The following SPATS2 variants were observed in gnomAD, a reference collection of about 807,000 sequenced individuals.
SPATS2 encodes the protein spermatogenesis-associated serine-rich protein 2.
In SPATS2, 38 loss-of-function variants were observed where a neutral mutation model predicts 63.7. That is an observed-to-expected ratio of 0.60 (90% CI 0.46 to 0.78). The LOEUF (loss-of-function observed/expected upper bound fraction) is 0.78. Among genes scored for constraint, SPATS2 ranks in the 30% least tolerant of loss-of-function variants. The pLI is 0.00. For synonymous variants in SPATS2, 207 were observed against 232.9 expected, an observed-to-expected ratio of 0.89 and a Z score of 1.01; for missense variants, 588 against 666.2, an observed-to-expected ratio of 0.88 and a Z score of 1.29.
At chr12:49,525,894 G>A (rs143251116) in intron 13 of SPATS2, 50 bp from the exon 14 acceptor site, 3 of 1,573,422 alleles carry the variant, frequency 1.9e-6, no homozygotes, top group Admixed American at 1.8e-5. Context: ...TGAACGAATG[G>A]GGTACCATAA....
intron 2 of SPATS2, among the ~76,000 whole-genome samples, chr12:49,377,286 A>G (rs949638182): frequency 3.3e-5 from 5 of 152,192 alleles, no homozygotes; most frequent in African/African-American, 4.8e-5. Flanking sequence ...AAATTAGACT[A>G]TAGGATATTA....
At chr12:49,405,559 C>T (rs560523713) in intron 2 of SPATS2, among the ~76,000 whole-genome samples, 2 of 152,162 alleles carry the variant, frequency 1.3e-5, no homozygotes, top group South Asian at 2.1e-4. Context: ...ATTAGCTGGG[C>T]GTGGTGACCC....
intron 9 of SPATS2, among the ~76,000 whole-genome samples, chr12:49,504,599 A>AT (rs1387775672): frequency 5.3e-5 from 8 of 152,128 alleles, no homozygotes; most frequent in Middle Eastern, 3.2e-3. Context: ...GTCAAAAGGT[A>AT]TTTTTTAAAA....
chr12:49,461,273 T>A, intron 3 of SPATS2: 2 of 506,130 alleles, frequency 4.0e-6, no homozygotes, highest in South Asian at 5.2e-5. Context: ...GAAGATGCAT[T>A]TTTGAATACT....
chr12:49,419,095 A>AGT (rs1944937550), intron 2 of SPATS2, among the ~76,000 whole-genome samples: 2 of 151,966 alleles, frequency 1.3e-5, no homozygotes, highest in Admixed American at 1.3e-4. Context: ...GTTTGGAGGG[A>AGT]GTAGGGGTGG....
At chr12:49,413,296 G>A (rs1289219869) in intron 2 of SPATS2, among the ~76,000 whole-genome samples, 3 of 152,086 alleles carry the variant, frequency 2.0e-5, no homozygotes, top group Non-Finnish European at 2.9e-5. Flanking sequence ...GAACAGCTAC[G>A]GCGCCTTGGA....
chr12:49,477,002 G>T (rs1592437755), intron 3 of SPATS2, among the ~76,000 whole-genome samples: 1 of 152,162 alleles, frequency 6.6e-6, no homozygotes, highest in East Asian at 1.9e-4. Context: ...CTACTTGGGA[G>T]GGTGAGACAG....
intron 1 of SPATS2, among the ~76,000 whole-genome samples, chr12:49,369,316 C>G (rs1159123023): frequency 1.3e-5 from 2 of 151,976 alleles, no homozygotes; most frequent in Non-Finnish European, 2.9e-5. Flanking sequence ...CGTGAGCCAC[C>G]GCAGCCTAAT....
At chr12:49,448,663 C>T (rs1281933905) in intron 2 of SPATS2, among the ~76,000 whole-genome samples, 1 of 139,848 alleles carries the variant, frequency 7.2e-6, no homozygotes. Flanking sequence ...ATCAGTGAAA[C>T]ATGATTGTGC....
intron 2 of SPATS2, among the ~76,000 whole-genome samples, chr12:49,458,507 C>CAGTG (rs1017562980): frequency 1.1e-4 from 17 of 151,450 alleles, no homozygotes; most frequent in African/African-American, 3.6e-4. Context: ...TGGCCAGGAG[C>CAGTG]AGTGGCTCAC....
At position 49,526,945 on chromosome 12, in the gene SPATS2, A is replaced by G. The variant is rs1228922211; in HGVS notation, c.*690A>G. 6.6e-6 allele frequency: 1 copy of G among 151,944 alleles called. No homozygotes were observed. The highest frequency in any genetic ancestry group is 1.9e-4 in the East Asian group (1 of 5,180). The allele number at this position is 151,944 out of a possible 1,614,324, so 9.4% of individuals were successfully genotyped here. A position where few individuals can be genotyped will look rare whatever the true frequency, so the allele number is the denominator to read the frequency against. ...CATTTAATTAAAGTTTAAAAAAAAA[A>G]AGGTTGGGCGTTGTGGCTCATGCCT... On this transcript the variant is annotated 3_prime_UTR_variant, in exon 14 of 14. Transcript: ENST00000552918.
intron 1 of SPATS2, among the ~76,000 whole-genome samples, chr12:49,368,286 C>T (rs981673120): frequency 3.9e-5 from 6 of 152,174 alleles, no homozygotes; most frequent in Non-Finnish European, 8.8e-5. Context: ...TTGATTATCG[C>T]TTGTCCATTT....
intron 7 of SPATS2, 141 bp from the exon 8 acceptor site, chr12:49,496,692 T>C (rs1281403606): frequency 1.2e-6 from 1 of 817,528 alleles, no homozygotes; most frequent in African/African-American, 1.8e-5. Context: ...CTTTGTTCTA[T>C]TGTTTCAGTT....
chr12:49,390,320 C>T (rs559051977), intron 2 of SPATS2, among the ~76,000 whole-genome samples: 2 of 152,284 alleles, frequency 1.3e-5, no homozygotes, highest in South Asian at 4.1e-4. Context: ...AGTTAATGGT[C>T]ATAGACCTTT....
chr12:49,391,437 G>A (rs1397832159), intron 2 of SPATS2, among the ~76,000 whole-genome samples: 1 of 152,156 alleles, frequency 6.6e-6, no homozygotes, highest in African/African-American at 2.4e-5. Flanking sequence ...GCTTGAACCC[G>A]GGAGGCGGAG....
At chr12:49,476,251 G>A (rs1946115744) in intron 3 of SPATS2, among the ~76,000 whole-genome samples, 1 of 152,116 alleles carries the variant, frequency 6.6e-6, no homozygotes. Flanking sequence ...TCACCCGCAC[G>A]CCAGCAGGTC....
chr12:49,497,335 TC>T (rs1214015197), intron 8 of SPATS2, among the ~76,000 whole-genome samples: 2 of 152,178 alleles, frequency 1.3e-5, no homozygotes, highest in Non-Finnish European at 2.9e-5. Context: ...GCTATTTCTT[TC>T]ATTTTTATCT....
intron 5 of SPATS2, chr12:49,490,024 T>TA (rs1946357906): frequency 6.5e-6 from 1 of 154,326 alleles, no homozygotes; most frequent in Non-Finnish European, 1.4e-5. Context: ...CCTTATCTAA[T>TA]ACGTAGAAGA....
At chr12:49,402,636 G>T (rs748977699) in intron 2 of SPATS2, among the ~76,000 whole-genome samples, 1 of 152,076 alleles carries the variant, frequency 6.6e-6, no homozygotes, top group African/African-American at 2.4e-5. Context: ...CATTGAAATC[G>T]CCTGGAATGA....
Sources: gnomAD v4.1 joint callset for allele counts (sites outside exome capture counted in the v4.1 genomes callset) on GRCh38, gnomAD v4.1.1 for gene constraint, MANE v1.5 for transcripts, NCBI Gene and HGNC (gene_info 2026-07-23, HGNC 2026-07-21) for gene names.